KIF13B: variants seen among roughly 807,000 people sequenced by gnomAD.
KIF13B encodes the protein kinesin family member 13B.
KIF13B carries 127 observed loss-of-function variants against 222.0 expected under a neutral mutation model. That is an observed-to-expected ratio of 0.57 (90% CI 0.50 to 0.66). KIF13B has a LOEUF of 0.66. KIF13B is among the 30% of genes least tolerant of loss of function. KIF13B has a pLI of 0.00. For missense variants in KIF13B, 2,173 were observed against 2,379.0 expected, an observed-to-expected ratio of 0.91 and a Z score of 1.80; for synonymous variants, 976 against 919.0, an observed-to-expected ratio of 1.06 and a Z score of -1.12.
chr8:29,126,571 C>G (rs989990007), intron 25 of KIF13B, 60 bp from the exon 26 acceptor site: 1 of 996,344 alleles, frequency 1.0e-6, no homozygotes, highest in African/African-American at 1.6e-5. Context: ...AATCAGGCTA[C>G]GCTAAACAAT....
chr8:29,080,647 G>A (rs1479696878), intron 37 of KIF13B, among the ~76,000 whole-genome samples: 1 of 152,202 alleles, frequency 6.6e-6, no homozygotes, highest in African/African-American at 2.4e-5. Context: ...TAAATGCATG[G>A]CTTGGCATTC....
At chr8:29,173,347 C>A (rs1327478962) in intron 10 of KIF13B, among the ~76,000 whole-genome samples, 1 of 151,934 alleles carries the variant, frequency 6.6e-6, no homozygotes, top group Admixed American at 6.6e-5. Flanking sequence ...ACAGGCCAGG[C>A]ATGGTGACTC....
chr8:29,209,118 T>C (rs966542564), intron 2 of KIF13B, among the ~76,000 whole-genome samples: 4 of 152,190 alleles, frequency 2.6e-5, no homozygotes, highest in Non-Finnish European at 4.4e-5. Flanking sequence ...AATAGTAACA[T>C]TAACTTGCAA....
At chr8:29,194,290 G>GTTTTTTTTTTTTTTT (rs10581359) in intron 3 of KIF13B, among the ~76,000 whole-genome samples, 1 of 142,244 alleles carries the variant, frequency 7.0e-6, no homozygotes, top group Non-Finnish European at 1.5e-5. Flanking sequence ...TTATTATTGG[G>GTTTTTTTTTTTTTTT]TTTTTTTTTT....
chr8:29,107,667 T>G (rs910564595), intron 35 of KIF13B, among the ~76,000 whole-genome samples: 3 of 151,244 alleles, frequency 2.0e-5, no homozygotes, highest in Admixed American at 2.0e-4. Context: ...TTCACACCAT[T>G]CTCCTGCCTT....
At chr8:29,115,005 G>A (rs1197101647) in intron 31 of KIF13B, among the ~76,000 whole-genome samples, 1 of 152,182 alleles carries the variant, frequency 6.6e-6, no homozygotes, top group Non-Finnish European at 1.5e-5. Flanking sequence ...TACATCTATA[G>A]CTAACCCCGT....
Position 29,112,431 on chromosome 8 carries a change from C to CAA in KIF13B, c.3930+1030_3930+1031dup, listed in dbSNP as rs34908319. ...CTGGTGACAGAGCGAGACTCAGTCT[C>CAA]AAAAAAAAAAAAAAAAAAAAGCTGA... On this transcript the variant is annotated intron_variant, in intron 32 of 39. Coordinates refer to ENST00000524189, the MANE Select transcript of KIF13B (RefSeq NM_015254.4). Among the ~76,000 whole-genome samples, 139 of 78,092 alleles carry CAA rather than the reference C, an allele frequency of 1.8e-3. 2 individuals carry two copies. The highest frequency in any genetic ancestry group is 0.013 in the Middle Eastern group (2 of 156). 51.2% of individuals were successfully genotyped at this position (78,092 alleles called of 152,430 possible).
chr8:29,114,760 A>G (rs993894372), intron 31 of KIF13B, among the ~76,000 whole-genome samples: 3 of 152,204 alleles, frequency 2.0e-5, no homozygotes, highest in African/African-American at 7.2e-5. Flanking sequence ...TTGTCCCTAC[A>G]ATAGAAACAA....
intron 10 of KIF13B, among the ~76,000 whole-genome samples, chr8:29,169,718 T>G (rs1165582789): frequency 6.6e-6 from 1 of 152,250 alleles, no homozygotes; most frequent in Non-Finnish European, 1.5e-5. Context: ...TAATCTCACA[T>G]AGCTGGTGCT....
At chr8:29,177,349 C>T in intron 9 of KIF13B, 117 bp downstream of exon 9, 1 of 717,466 alleles carries the variant, frequency 1.4e-6, no homozygotes, top group Admixed American at 2.2e-5. Context: ...GGGCCCAGGC[C>T]CATTGAAAAT....
At chr8:29,087,744 C>T (rs990504152) in intron 37 of KIF13B, among the ~76,000 whole-genome samples, 12 of 152,096 alleles carry the variant, frequency 7.9e-5, no homozygotes, top group Admixed American at 5.9e-4. Flanking sequence ...AGCACCCTGG[C>T]GAGACAACTG....
chr8:29,124,569 G>A (rs954097207), intron 26 of KIF13B, among the ~76,000 whole-genome samples: 19 of 152,052 alleles, frequency 1.2e-4, no homozygotes, highest in East Asian at 3.9e-4. Context: ...CTAACACAGC[G>A]AAACCCTGTC....
rs755556447 is a variant in KIF13B, at chr8:29,245,421, T to C, written c.74A>G (p.Lys25Arg). Residue 25 changes from lysine (K) to arginine (R), a missense_variant, in exon 2 of 40, where the codon AAA becomes AGA. Physicochemically the swap from Lys to Arg is conservative, Grantham distance 26 (BLOSUM62 2). Transcript: ENST00000524189. ...MNRRETDLHT[K>R]CVVDVDANKV... ...GTTTGCATCCACATCCACCACACAT[T>C]TGGTATGCAAGTCAGTCTCTGTGGA... 2 of 1,599,040 alleles carry C rather than the reference T, an allele frequency of 1.3e-6. No homozygotes were observed. Among genetic ancestry groups the C allele is most frequent in the Admixed American group, 1.7e-5 (1 of 58,118 alleles).
chr8:29,096,565 G>C (rs775504002), intron 36 of KIF13B, among the ~76,000 whole-genome samples: 1 of 151,932 alleles, frequency 6.6e-6, no homozygotes, highest in Non-Finnish European at 1.5e-5. Flanking sequence ...GCTACAGGTG[G>C]GAGCTACCGC....
Position 29,124,042 on chromosome 8 carries a change from TTTG to T in KIF13B, c.3331_3333del (p.Gln1111del), listed in dbSNP as rs1174451272. 2.5e-6 allele frequency: 4 copies of T among 1,609,466 alleles called. No homozygotes were observed. In the African/African-American group the frequency reaches 4.0e-5, roughly 16 times the overall value. ...TTCCTACCACGTTTACTGACAAGCT[TTTG>T]CAATTGTTGATCCAAGTACTCCTGA... On this transcript the variant is annotated inframe_deletion, in exon 27 of 40. Transcript: ENST00000524189.
intron 8 of KIF13B, among the ~76,000 whole-genome samples, chr8:29,178,393 A>G (rs182335547): frequency 2.0e-5 from 3 of 152,092 alleles, no homozygotes; most frequent in Non-Finnish European, 4.4e-5. Flanking sequence ...GTGTTATTAG[A>G]TTTACATCTT....
At chr8:29,231,721 A>G (rs1301927300) in intron 2 of KIF13B, among the ~76,000 whole-genome samples, 1 of 152,148 alleles carries the variant, frequency 6.6e-6, no homozygotes, top group East Asian at 1.9e-4. Context: ...GGTAAAATTT[A>G]TTTTTTAAAA....
At chr8:29,229,455 G>A (rs1159279137) in intron 2 of KIF13B, among the ~76,000 whole-genome samples, 3 of 152,160 alleles carry the variant, frequency 2.0e-5, no homozygotes, top group Admixed American at 2.0e-4. Flanking sequence ...ATCGTTTGTT[G>A]TAAGATGTCA....
At chr8:29,142,390 C>A in intron 18 of KIF13B, 87 bp from the exon 19 acceptor site, 1 of 1,156,474 alleles carries the variant, frequency 8.6e-7, no homozygotes, top group South Asian at 1.5e-5. Context: ...AGTCAAATGT[C>A]ATTACACCAA....
Sources: gnomAD v4.1 joint callset for allele counts (sites outside exome capture counted in the v4.1 genomes callset) on GRCh38, gnomAD v4.1.1 for gene constraint, MANE v1.5 for transcripts, NCBI Gene and HGNC (gene_info 2026-07-23, HGNC 2026-07-21) for gene names.